SGPP2: variants seen among roughly 807,000 people sequenced by gnomAD.
The protein encoded by SGPP2 is sphingosine-1-phosphate phosphatase 2.
In SGPP2, 30 loss-of-function variants were observed where a neutral mutation model predicts 33.9. The observed-to-expected ratio is 0.89, with a 90% CI of 0.66 to 1.20. The LOEUF is 1.20. SGPP2 is among the 50% of genes most tolerant of loss of function. The pLI, the probability that SGPP2 is intolerant of heterozygous loss-of-function variation, is 0.00. For missense variants in SGPP2, 458 were observed against 532.1 expected (o/e 0.86, Z 1.37); for synonymous variants, 233 against 225.0 (o/e 1.04, Z -0.32).
intron 2 of SGPP2, among the ~76,000 whole-genome samples, chr2:222,501,646 A>G (rs1378930268): frequency 6.6e-6 from 1 of 152,236 alleles, no homozygotes; most frequent in Non-Finnish European, 1.5e-5. Context: ...AGACACTGCC[A>G]TAGAAGGACA....
rs778897003 is a variant in SGPP2, at chr2:222,558,398, C to T, written c.700C>T (p.Pro234Ser). ...ITALLIVLTY[P>S]AWTFIDCLDS... ...CGCACTCCTCATCGTCCTCACCTAC[C>T]CTGCCTGGACCTTCATCGACTGCCT... Residue 234 changes from proline (P) to serine (S), a missense_variant, in exon 5 of 5, where the codon CCT (proline) becomes TCT (serine). Coordinates refer to ENST00000321276, the MANE Select transcript of SGPP2 (RefSeq NM_152386.4). The T allele has an allele frequency of 1.2e-6, 2 of 1,614,038 alleles. No homozygotes were observed. The highest frequency in any genetic ancestry group is 1.7e-6 in the Non-Finnish European group (2 of 1,180,048).
At chr2:222,450,766 T>G (rs1388442950) in intron 1 of SGPP2, among the ~76,000 whole-genome samples, 1 of 151,836 alleles carries the variant, frequency 6.6e-6, no homozygotes, top group East Asian at 1.9e-4. Flanking sequence ...GAAAAGGGGG[T>G]TGGTACCAAA....
At chr2:222,441,657 T>G (rs1295524386) in intron 1 of SGPP2, among the ~76,000 whole-genome samples, 2 of 152,220 alleles carry the variant, frequency 1.3e-5, no homozygotes, top group Admixed American at 6.5e-5. Context: ...TGTAATTTTC[T>G]GTATACTCTG....
At chr2:222,426,263 A>C (rs1697070364) in intron 1 of SGPP2, among the ~76,000 whole-genome samples, 1 of 151,982 alleles carries the variant, frequency 6.6e-6, no homozygotes, top group African/African-American at 2.4e-5. Flanking sequence ...AACAAACAAA[A>C]AACAGTCCCA....
At chr2:222,531,964 C>A (rs1484467285) in intron 4 of SGPP2, among the ~76,000 whole-genome samples, 2 of 152,108 alleles carry the variant, frequency 1.3e-5, no homozygotes, top group African/African-American at 4.8e-5. Context: ...CAGGTGGCTG[C>A]CTGCTTGATA....
At chr2:222,481,748 G>C (rs1698034030) in intron 2 of SGPP2, among the ~76,000 whole-genome samples, 1 of 152,020 alleles carries the variant, frequency 6.6e-6, no homozygotes, top group African/African-American at 2.4e-5. Context: ...TACTGTGGGG[G>C]GTGACCAGCC....
At chr2:222,557,108 T>C (rs1689424853) in intron 4 of SGPP2, among the ~76,000 whole-genome samples, 2 of 152,076 alleles carry the variant, frequency 1.3e-5, no homozygotes, top group Admixed American at 1.3e-4. Context: ...TTTAGGGCCC[T>C]GTGTGAAGTG....
intron 1 of SGPP2, among the ~76,000 whole-genome samples, chr2:222,436,172 T>C (rs1335337781): frequency 4.6e-5 from 7 of 152,178 alleles, no homozygotes; most frequent in Admixed American, 4.6e-4. Flanking sequence ...GCCCAAAGTG[T>C]CCAGATGGCA....
rs1316143834 is a variant in SGPP2 at position 222,424,691 on chromosome 2, GC to G, written c.94del (p.Arg32GlyfsTer50). On this transcript the variant is annotated frameshift_variant, in exon 1 of 5. Coordinates refer to ENST00000321276, the MANE Select transcript of SGPP2 (RefSeq NM_152386.4). LOFTEE classifies it high-confidence loss of function. ...GGGCTCTTCCCCGCTCCGGATGAAG[GC>G]CCCCGGGAGAACGGCGCGGACCCCA... is the stretch of plus-strand genomic sequence containing the variant. ...RCGLFPAPDEGPRENGADPTE... is the reference protein window; with the variant it reads ...RCGLFPAPDEXPRENGADPTE... The G allele has an allele frequency of 1.2e-5, 18 of 1,450,658 alleles. No individual in the cohort carries two copies. The highest frequency in any genetic ancestry group is 1.4e-5 in the Non-Finnish European group (16 of 1,103,674). 89.9% of individuals were successfully genotyped at this position (1,450,658 alleles called of 1,614,324 possible).
intron 2 of SGPP2, among the ~76,000 whole-genome samples, chr2:222,519,997 G>T (rs1020312650): frequency 1.3e-5 from 2 of 152,154 alleles, no homozygotes; most frequent in African/African-American, 4.8e-5. Flanking sequence ...TGTCTTTTTG[G>T]TAGAATGATC....
Position 222,559,867 on chromosome 2 carries a change from G to A in SGPP2, c.*969G>A, listed in dbSNP as rs1689505487. 6.6e-6 allele frequency: 1 copy of A among 152,248 alleles called. No individual in the cohort carries two copies. Among genetic ancestry groups the A allele is most frequent in the Non-Finnish European group, 1.5e-5 (1 of 68,088 alleles). The allele number at this position is 152,248 out of a possible 1,614,324, so 9.4% of individuals were successfully genotyped here. A position where few individuals can be genotyped will look rare whatever the true frequency, so the allele number is the denominator to read the frequency against. ...GGAGGCAGAGCTGTGAGGTCATGGG[G>A]AAAAGCCTGCTTTCCTTATAAGTCC... On this transcript the variant is annotated 3_prime_UTR_variant, in exon 5 of 5. Coordinates refer to ENST00000321276, the MANE Select transcript of SGPP2 (RefSeq NM_152386.4).
intron 4 of SGPP2, among the ~76,000 whole-genome samples, chr2:222,529,721 T>C (rs1310608654): frequency 2.6e-5 from 4 of 152,162 alleles, no homozygotes. Flanking sequence ...GGAATCAATA[T>C]CTCCCAAACT....
chr2:222,462,057 A>G (rs1697669560), intron 1 of SGPP2, among the ~76,000 whole-genome samples: 1 of 152,156 alleles, frequency 6.6e-6, no homozygotes, highest in African/African-American at 2.4e-5. Context: ...TTTCTTCAGC[A>G]GTGTATCTCT....
chr2:222,439,315 G>A (rs997174578), intron 1 of SGPP2, among the ~76,000 whole-genome samples: 8 of 152,038 alleles, frequency 5.3e-5, no homozygotes, highest in African/African-American at 1.9e-4. Context: ...AGGTGTTCTG[G>A]GTCTGTAAAC....
intron 1 of SGPP2, among the ~76,000 whole-genome samples, chr2:222,426,044 C>T (rs928245120): frequency 4.0e-5 from 6 of 151,318 alleles, no homozygotes; most frequent in Non-Finnish European, 8.8e-5. Context: ...GTCTTAAAAA[C>T]GGGGCAGAGT....
intron 4 of SGPP2, among the ~76,000 whole-genome samples, chr2:222,528,951 A>G (rs1698799664): frequency 6.6e-6 from 1 of 152,166 alleles, no homozygotes. Context: ...TTGCCGCATC[A>G]ATTGACTCTT....
intron 2 of SGPP2, among the ~76,000 whole-genome samples, chr2:222,510,134 T>C (rs1357875985): frequency 1.3e-5 from 2 of 152,196 alleles, no homozygotes. Context: ...ATTTGGGTTG[T>C]TTAAACTTTT....
intron 2 of SGPP2, among the ~76,000 whole-genome samples, chr2:222,513,144 A>G (rs1354297092): frequency 6.6e-6 from 1 of 152,204 alleles, no homozygotes. Context: ...ATTTGGTATT[A>G]TCAGTGTTTT....
chr2:222,535,445 C>T (rs1293753125), intron 4 of SGPP2, among the ~76,000 whole-genome samples: 2 of 151,640 alleles, frequency 1.3e-5, no homozygotes, highest in Non-Finnish European at 2.9e-5. Context: ...GATGAATCCG[C>T]TGCTGGAAGG....
Sources: gnomAD v4.1 joint callset for allele counts (sites outside exome capture counted in the v4.1 genomes callset) on GRCh38, gnomAD v4.1.1 for gene constraint, MANE v1.5 for transcripts, NCBI Gene and HGNC (gene_info 2026-07-23, HGNC 2026-07-21) for gene names.